Variants in PDE10A observed in about 807,000 individuals in gnomAD.
The protein encoded by PDE10A is phosphodiesterase 10A.
In PDE10A, 39 loss-of-function variants were observed where a neutral mutation model predicts 97.7. That is an observed-to-expected ratio of 0.40 (90% CI 0.31 to 0.52). The LOEUF is 0.52. Among genes scored for constraint, PDE10A ranks in the 20% least tolerant of loss-of-function variants. The probability of loss-of-function intolerance (pLI) is 0.56; values close to 1 mark genes in which losing one functional copy is unlikely to be tolerated. For synonymous variants in PDE10A, 371 were observed against 376.8 expected (o/e 0.98, Z 0.18); for missense variants, 731 against 1,047.8 (o/e 0.70, Z 4.17).
In PDE10A at chr6:165,460,802, T is replaced by C. The variant is rs138346306; in HGVS notation, c.1024-10440A>G. Among the ~76,000 whole-genome samples the C allele has an allele frequency of 1.4e-3, 215 of 152,242 alleles. 1 individual carries two copies. Among genetic ancestry groups the C allele is most frequent in the African/African-American group, 5.0e-3 (209 of 41,550 alleles). ...ACAAGTTCTAATTCCAGAACAATTATATAGCCCTCAGAATCAACATACAAT... is the reference window on the plus strand; with the variant it reads ...ACAAGTTCTAATTCCAGAACAATTACATAGCCCTCAGAATCAACATACAAT... On this transcript the variant is annotated intron_variant, in intron 3 of 21. Transcript: ENST00000539869.
intron 1 of PDE10A, among the ~76,000 whole-genome samples, chr6:165,623,894 C>T (rs1349478467): frequency 4.6e-5 from 7 of 152,340 alleles, no homozygotes; most frequent in African/African-American, 1.4e-4. Context: ...TCCTTTCTAG[C>T]CTGGCTTCCT....
chr6:165,632,200 CAAAAAAAA>C (rs71552885), intron 1 of PDE10A, among the ~76,000 whole-genome samples: 1 of 67,272 alleles, frequency 1.5e-5, no homozygotes, highest in Non-Finnish European at 2.7e-5. Flanking sequence ...GAGTCCATCT[CAAAAAAAA>C]AAAAAAAAAA....
At chr6:165,758,487 A>T (rs887877656) in intron 1 of PDE10A, among the ~76,000 whole-genome samples, 3 of 124,674 alleles carry the variant, frequency 2.4e-5, no homozygotes, top group African/African-American at 7.7e-5. Flanking sequence ...AGAAGAAAGG[A>T]GAAAGAAGAA....
chr6:165,384,631 AGTGT>A lies in PDE10A; in HGVS notation c.2610+3663_2610+3666del, dbSNP rs57175607. Among the ~76,000 whole-genome samples the A allele has an allele frequency of 6.5e-3, 437 of 66,964 alleles. 4 individuals are homozygous for A. The highest frequency in any genetic ancestry group is 0.037 in the Middle Eastern group (6 of 164). 43.9% of individuals were successfully genotyped at this position (66,964 alleles called of 152,430 possible). A position where few individuals can be genotyped will look rare whatever the true frequency, so the allele number is the denominator to read the frequency against. ...TAACGTGTGTGTGTATGTGTGAGTG[AGTGT>A]GTGTGTGTGTGTGTGTGTGTGTGTG... On this transcript the variant is annotated intron_variant, in intron 17 of 21. Transcript: ENST00000539869.
intron 17 of PDE10A, among the ~76,000 whole-genome samples, chr6:165,387,672 T>C (rs1190029979): frequency 6.6e-6 from 1 of 152,188 alleles, no homozygotes; most frequent in African/African-American, 2.4e-5. Context: ...GAGGAAAATA[T>C]AGGGCCCACT....
chr6:165,425,801 A>T (rs3082847), intron 10 of PDE10A, among the ~76,000 whole-genome samples: 1 of 98,992 alleles, frequency 1.0e-5, no homozygotes, highest in Non-Finnish European at 2.2e-5. Flanking sequence ...GTGTGTGTGT[A>T]TGTATGTAAT....
intron 1 of PDE10A, among the ~76,000 whole-genome samples, chr6:165,854,361 G>A (rs1168514498): frequency 6.6e-6 from 1 of 152,174 alleles, no homozygotes; most frequent in East Asian, 1.9e-4. Context: ...GGTCCCTGGG[G>A]AACGGGGAGT....
chr6:165,495,615 T>C (rs1361129575), intron 2 of PDE10A, among the ~76,000 whole-genome samples: 1 of 152,208 alleles, frequency 6.6e-6, no homozygotes. Context: ...TACATTGTTA[T>C]TTAAAATAAA....
At chr6:165,929,858 C>A (rs553385399) in intron 1 of PDE10A, among the ~76,000 whole-genome samples, 2 of 151,984 alleles carry the variant, frequency 1.3e-5, no homozygotes, top group Admixed American at 1.3e-4. Flanking sequence ...TCACTCCAGG[C>A]GTGAGGGCAG....
intron 1 of PDE10A, among the ~76,000 whole-genome samples, chr6:165,954,357 G>A (rs533918578): frequency 3.9e-5 from 6 of 152,268 alleles, no homozygotes; most frequent in African/African-American, 1.2e-4. Flanking sequence ...GAATATAAAC[G>A]TGGTGGCTGC....
chr6:165,449,799 T>C (rs1004779041), intron 4 of PDE10A, among the ~76,000 whole-genome samples: 3 of 152,150 alleles, frequency 2.0e-5, no homozygotes, highest in African/African-American at 4.8e-5. Flanking sequence ...TAAAAACAAG[T>C]GTATCCTTCT....
At chr6:165,725,101 G>C (rs1183950746) in intron 1 of PDE10A, among the ~76,000 whole-genome samples, 2 of 152,160 alleles carry the variant, frequency 1.3e-5, no homozygotes, top group African/African-American at 4.8e-5. Flanking sequence ...CTGACTCCAG[G>C]GGAAGACCAC....
chr6:165,793,727 G>T (rs183840084), intron 1 of PDE10A, among the ~76,000 whole-genome samples: 10 of 152,200 alleles, frequency 6.6e-5, no homozygotes, highest in Non-Finnish European at 1.5e-4. Context: ...ACACACAGGG[G>T]CTGGCATTGC....
intron 1 of PDE10A, among the ~76,000 whole-genome samples, chr6:165,757,315 A>G (rs1288611475): frequency 6.6e-6 from 1 of 151,172 alleles, no homozygotes; most frequent in Admixed American, 6.6e-5. Context: ...ACGAGCTGCA[A>G]TTTTTTTTCA....
At chr6:165,339,180 C>T (rs1781826458) in intron 20 of PDE10A, 98 bp downstream of exon 20, 7 of 792,276 alleles carry the variant, frequency 8.8e-6, no homozygotes, top group Non-Finnish European at 1.6e-5. Flanking sequence ...ATTCCCTTAA[C>T]ATAATATATG....
At chr6:165,928,973 G>T (rs554492040) in intron 1 of PDE10A, among the ~76,000 whole-genome samples, 52 of 152,234 alleles carry the variant, frequency 3.4e-4, no homozygotes, top group African/African-American at 1.2e-3. Context: ...AGCCATACAG[G>T]TCTCCTTTCT....
At chr6:165,754,755 ATAATAG>A (rs1427273164) in intron 1 of PDE10A, among the ~76,000 whole-genome samples, 2 of 152,166 alleles carry the variant, frequency 1.3e-5, no homozygotes, top group Admixed American at 6.5e-5. Context: ...CTATAAAATG[ATAATAG>A]TAATAGTCCC....
intron 1 of PDE10A, among the ~76,000 whole-genome samples, chr6:165,675,993 C>T (rs763003010): frequency 5.3e-5 from 8 of 152,054 alleles, no homozygotes; most frequent in East Asian, 1.9e-4. Flanking sequence ...CCTAAGTGTC[C>T]GTCAGCTAAT....
chr6:165,513,074 G>T (rs1394068871), intron 2 of PDE10A, among the ~76,000 whole-genome samples: 1 of 151,958 alleles, frequency 6.6e-6, no homozygotes. Context: ...ACAATTTACT[G>T]TTTTTTTAAA....
Sources: allele counts gnomAD v4.1 joint callset (sites outside exome capture counted in the v4.1 genomes callset), GRCh38; gene constraint gnomAD v4.1.1; transcripts MANE v1.5; gene names NCBI Gene and HGNC (gene_info 2026-07-23, HGNC 2026-07-21).